The following PRKAR1B variants were observed in gnomAD, a reference collection of about 807,000 sequenced individuals.
PRKAR1B encodes protein kinase cAMP-dependent type I regulatory subunit beta, also known as cAMP-dependent protein kinase type I-beta regulatory subunit.
In PRKAR1B, 22 loss-of-function variants were observed where a neutral mutation model predicts 46.5. The ratio of observed to expected loss-of-function variants is 0.47; its 90% CI spans 0.34 to 0.68. The LOEUF is 0.68. Ranked by LOEUF, PRKAR1B falls within the 30% of genes least tolerant of loss-of-function variation. The pLI is 0.01. For missense variants in PRKAR1B, 445 were observed against 535.6 expected (o/e 0.83, Z 1.67); for synonymous variants, 259 against 217.7 (o/e 1.19, Z -1.67).
intron 9 of PRKAR1B, among the ~76,000 whole-genome samples, chr7:570,749 G>A (rs556707148): frequency 6.6e-6 from 1 of 152,238 alleles, no homozygotes; most frequent in African/African-American, 2.4e-5. Flanking sequence ...GGTCAGCAGA[G>A]CTCTGCAACC....
At chr7:712,024 G>A (rs531824442) in intron 1 of PRKAR1B, among the ~76,000 whole-genome samples, 2 of 139,042 alleles carry the variant, frequency 1.4e-5, no homozygotes, top group Non-Finnish European at 3.1e-5. Flanking sequence ...CACAGGAAAA[G>A]ACAGAAACGC....
intron 9 of PRKAR1B, among the ~76,000 whole-genome samples, chr7:566,378 ACC>A (rs1779136963): frequency 2.3e-5 from 1 of 44,320 alleles, no homozygotes; most frequent in Admixed American, 2.9e-4. Flanking sequence ...CCATTTCATC[ACC>A]TCATCACCAC....
chr7:687,320 T>C (rs144472960), intron 2 of PRKAR1B, among the ~76,000 whole-genome samples: 309 of 152,246 alleles, frequency 2.0e-3, no homozygotes, highest in African/African-American at 6.9e-3. Context: ...TTATGCTCAG[T>C]ATGTTCAAGG....
rs1311200027 is a variant in PRKAR1B, at chr7:685,277, T to C, written c.178-4551A>G. Reference sequence around the variant, plus strand: ...TTATATATACATATATACGTATATATACGTATATATATGTATACATATATA... The same window carrying C: ...TTATATATACATATATACGTATATACACGTATATATATGTATACATATATA... On this transcript the variant is annotated intron_variant, in intron 2 of 10. Transcript: ENST00000537384. 1.6e-3 allele frequency among the ~76,000 whole-genome samples: 43 copies of C among 26,294 alleles called. 7 individuals carry two copies. The highest frequency in any genetic ancestry group is 5.0e-3 in the African/African-American group (43 of 8,626). 17.2% of individuals were successfully genotyped at this position (26,294 alleles called of 152,430 possible). A position where few individuals can be genotyped will look rare whatever the true frequency, so the allele number is the denominator to read the frequency against.
intron 4 of PRKAR1B, among the ~76,000 whole-genome samples, chr7:645,309 A>G (rs1030768059): frequency 2.6e-5 from 4 of 152,268 alleles, no homozygotes; most frequent in East Asian, 3.9e-4. Context: ...CCAGGCTGCA[A>G]TGCTTCTAAG....
intron 4 of PRKAR1B, among the ~76,000 whole-genome samples, chr7:650,160 G>A (rs528237470): frequency 6.6e-5 from 10 of 152,258 alleles, no homozygotes; most frequent in African/African-American, 2.4e-4. Flanking sequence ...ATGCCGTTGT[G>A]AGGTGACTGC....
chr7:620,702 T>C (rs1783065516), intron 4 of PRKAR1B, among the ~76,000 whole-genome samples: 1 of 152,252 alleles, frequency 6.6e-6, no homozygotes. Context: ...TAAGAGTTGT[T>C]CTGTGTATTC....
chr7:617,985 G>A (rs1259422623), intron 4 of PRKAR1B, among the ~76,000 whole-genome samples: 1 of 152,084 alleles, frequency 6.6e-6, no homozygotes, highest in Non-Finnish European at 1.5e-5. Flanking sequence ...AGGCCTCCAG[G>A]GAAGCAGAGG....
chr7:599,304 T>C (rs1320072367), intron 6 of PRKAR1B, among the ~76,000 whole-genome samples: 3 of 148,476 alleles, frequency 2.0e-5, no homozygotes, highest in African/African-American at 2.4e-5. Context: ...TTTTCTCTCT[T>C]TTTTTTTTTT....
At chr7:691,707 C>T (rs1779437855) in intron 2 of PRKAR1B, 2 of 1,261,400 alleles carry the variant, frequency 1.6e-6, no homozygotes, top group Non-Finnish European at 2.1e-6. Context: ...AAAGCAGCTC[C>T]TCGTGGACAA....
At chr7:579,164 G>A in intron 9 of PRKAR1B, 92 bp downstream of exon 9, 2 of 1,604,480 alleles carry the variant, frequency 1.2e-6, no homozygotes, top group Admixed American at 1.7e-5. Flanking sequence ...GACTCCAGAG[G>A]GAGGGTGAGG....
At chr7:569,379 C>T (rs1411898723) in intron 9 of PRKAR1B, among the ~76,000 whole-genome samples, 1 of 152,214 alleles carries the variant, frequency 6.6e-6, no homozygotes, top group Non-Finnish European at 1.5e-5. Flanking sequence ...TTTGGGAAAA[C>T]AGTTGTCCCC....
At chr7:636,632 G>A (rs1784123845) in intron 4 of PRKAR1B, among the ~76,000 whole-genome samples, 1 of 152,200 alleles carries the variant, frequency 6.6e-6, no homozygotes, top group South Asian at 2.1e-4. Flanking sequence ...AGTGACCCCA[G>A]GTGGCCAGCA....
rs1781698877 is a variant in PRKAR1B at position 602,629 on chromosome 7, A to T, written c.549+3564T>A. ...AGGAGGGTGGCCACCCGCGCTGAAG[A>T]TGAGGACAAGCCCGGGGCGTGGGTG... is the stretch of plus-strand genomic sequence containing the variant. On this transcript the variant is annotated intron_variant, in intron 6 of 10. Transcript: ENST00000537384. This position sits in a 1 kb window ranked among gnomAD's most constrained non-coding sequence, Gnocchi z 6.4. 1 of 169,826 alleles carries T rather than the reference A, an allele frequency of 5.9e-6. No individual in the cohort carries two copies. The highest frequency in any genetic ancestry group is 1.5e-5 in the Non-Finnish European group (1 of 68,644). The allele number at this position is 169,826 out of a possible 1,614,324, so 10.5% of individuals were successfully genotyped here. A position where few individuals can be genotyped will look rare whatever the true frequency, so the allele number is the denominator to read the frequency against.
intron 7 of PRKAR1B, among the ~76,000 whole-genome samples, chr7:591,701 A>G (rs1325131667): frequency 6.6e-6 from 1 of 152,168 alleles, no homozygotes; most frequent in Non-Finnish European, 1.5e-5. Flanking sequence ...AGAAAAAAAA[A>G]GGAAAAGAAA....
intron 2 of PRKAR1B, among the ~76,000 whole-genome samples, chr7:692,541 T>C (rs1029474260): frequency 2.0e-5 from 3 of 152,176 alleles, no homozygotes; most frequent in African/African-American, 4.8e-5. Context: ...CTAGAAATAG[T>C]AGCAATAATA....
chr7:664,753 TA>T lies in PRKAR1B; in HGVS notation c.440+12475del, dbSNP rs574809054. ...AGCGAGACTCTGTCTCTACAAAAAC[TA>T]AAAAAAAAAAATAGCTGGGTGTGGT... On this transcript the variant is annotated intron_variant, in intron 4 of 10. Coordinates refer to ENST00000537384, the MANE Select transcript of PRKAR1B (RefSeq NM_001164760.2). 3.5e-3 allele frequency among the ~76,000 whole-genome samples: 484 copies of T among 136,660 alleles called. 1 individual carries two copies. Among genetic ancestry groups the T allele is most frequent in the African/African-American group, 8.9e-3 (329 of 36,926 alleles). 89.7% of individuals were successfully genotyped at this position (136,660 alleles called of 152,430 possible).
chr7:727,358 T>A, upstream of PRKAR1B: 1 of 1,056,086 alleles, frequency 9.5e-7, no homozygotes. Flanking sequence ...CCCCACACTC[T>A]CACCCCCACC....
intron 9 of PRKAR1B, among the ~76,000 whole-genome samples, chr7:556,619 C>G (rs999162149): frequency 6.6e-6 from 1 of 152,202 alleles, no homozygotes; most frequent in African/African-American, 2.4e-5. Context: ...GAGGCGTCCG[C>G]GTTCATCCCT....
Sources: gnomAD v4.1 joint callset for allele counts (sites outside exome capture counted in the v4.1 genomes callset) on GRCh38, gnomAD v4.1.1 for gene constraint, Gnocchi (gnomAD v3.1) non-coding constraint, MANE v1.5 for transcripts, NCBI Gene and HGNC (gene_info 2026-07-23, HGNC 2026-07-21) for gene names.